The following VAMP7 variants were observed in gnomAD, a reference collection of about 807,000 sequenced individuals.
VAMP7 encodes vesicle associated membrane protein 7.
VAMP7 carries 14 observed loss-of-function variants against 29.6 expected under a neutral mutation model. The ratio of observed to expected loss-of-function variants is 0.47; its 90% CI spans 0.31 to 0.74. The LOEUF is 0.74. Ranked by LOEUF, VAMP7 falls within the 30% of genes least tolerant of loss-of-function variation. VAMP7 has a pLI of 0.05. For missense variants in VAMP7, 223 were observed against 262.4 expected, an observed-to-expected ratio of 0.85 and a Z score of 1.04; for synonymous variants, 95 against 88.1, an observed-to-expected ratio of 1.08 and a Z score of -0.44.
intron 5 of VAMP7, among the ~76,000 whole-genome samples, chrX:155,918,817 C>A (rs1348551554): frequency 1.3e-5 from 2 of 152,150 alleles, no homozygotes; most frequent in Non-Finnish European, 2.9e-5. Flanking sequence ...CAGATGCTTT[C>A]TCTGCATCTA....
intron 5 of VAMP7, among the ~76,000 whole-genome samples, chrX:155,904,589 T>G (rs1003761912): frequency 6.6e-6 from 1 of 152,032 alleles, no homozygotes; most frequent in African/African-American, 2.4e-5. Flanking sequence ...CATTTGCAGT[T>G]GCTCCTCAAC....
At chrX:155,902,773 G>C (rs1281081096) in intron 5 of VAMP7, among the ~76,000 whole-genome samples, 2 of 149,574 alleles carry the variant, frequency 1.3e-5, no homozygotes, top group Non-Finnish European at 3.0e-5. Flanking sequence ...CGGTTTGCCA[G>C]TATTTTATTG....
At chrX:155,907,763 TG>T (rs1350513560) in intron 5 of VAMP7, among the ~76,000 whole-genome samples, 2 of 152,178 alleles carry the variant, frequency 1.3e-5, no homozygotes, top group African/African-American at 4.8e-5. Flanking sequence ...ATTGTCATCA[TG>T]GCCCGTTCTC....
chrX:155,914,477 A>G (rs1023093293), intron 5 of VAMP7, among the ~76,000 whole-genome samples: 6 of 152,130 alleles, frequency 3.9e-5, no homozygotes, highest in South Asian at 2.1e-4. Flanking sequence ...TTGCCCATTC[A>G]GTATGATATT....
At chrX:155,928,643 C>T (rs888670930) in intron 6 of VAMP7, among the ~76,000 whole-genome samples, 80 of 152,316 alleles carry the variant, frequency 5.3e-4, no homozygotes, top group Non-Finnish European at 1.0e-3. Context: ...AGGATACTCT[C>T]TTCATCTCAA....
rs1410909053 is a variant in VAMP7, at chrX:155,943,518, A to G, written c.*1567A>G. The G allele has an allele frequency of 6.6e-6, 1 of 152,490 alleles. No homozygotes were observed. The highest frequency in any genetic ancestry group is 1.5e-5 in the Non-Finnish European group (1 of 68,018). 9.4% of individuals were successfully genotyped at this position (152,490 alleles called of 1,614,324 possible). A position where few individuals can be genotyped will look rare whatever the true frequency, so the allele number is the denominator to read the frequency against. On this transcript the variant is annotated 3_prime_UTR_variant, in exon 8 of 8. Transcript: ENST00000286448. ...TTGCATCAGTATTTCCTATTGGAAAATACATCTGTTCCAGAAAAACATTTG... is the reference window on the plus strand; with the variant it reads ...TTGCATCAGTATTTCCTATTGGAAAGTACATCTGTTCCAGAAAAACATTTG...
At chrX:155,913,512 T>C (rs977108455) in intron 5 of VAMP7, among the ~76,000 whole-genome samples, 9 of 152,054 alleles carry the variant, frequency 5.9e-5, no homozygotes, top group African/African-American at 1.9e-4. Flanking sequence ...TTAAGTCTTA[T>C]GTTTAAGTCT....
At chrX:155,893,691 T>G (rs976218567) in intron 2 of VAMP7, among the ~76,000 whole-genome samples, 2 of 152,146 alleles carry the variant, frequency 1.3e-5, no homozygotes, top group Non-Finnish European at 2.9e-5. Context: ...TTCCTCTTTT[T>G]TAAAGCCACT....
intron 5 of VAMP7, among the ~76,000 whole-genome samples, chrX:155,915,163 G>A (rs1181710960): frequency 6.6e-6 from 1 of 152,152 alleles, no homozygotes; most frequent in African/African-American, 2.4e-5. Context: ...GGTGTTTATA[G>A]TATTCTCTGA....
intron 5 of VAMP7, among the ~76,000 whole-genome samples, chrX:155,912,352 A>G (rs2066249171): frequency 6.6e-6 from 1 of 152,050 alleles, no homozygotes; most frequent in Non-Finnish European, 1.5e-5. Context: ...TTTCTATGTT[A>G]CACATTTGCT....
intron 5 of VAMP7, among the ~76,000 whole-genome samples, chrX:155,910,586 G>GT (rs57564977): frequency 0.021 from 2,792 of 133,814 alleles, 47 homozygotes; most frequent in African/African-American, 0.053. Flanking sequence ...GTGTGTAAGT[G>GT]TTTTTTTTTT....
chrX:155,927,765 G>GT (rs35465189), intron 6 of VAMP7, among the ~76,000 whole-genome samples: 21,619 of 141,084 alleles, frequency 0.15, 2,330 homozygotes, highest in East Asian at 0.44. Flanking sequence ...CACAATGGCA[G>GT]TTTTTTTTTT....
intron 5 of VAMP7, among the ~76,000 whole-genome samples, chrX:155,917,145 G>C (rs2066324765): frequency 6.6e-6 from 1 of 152,018 alleles, no homozygotes. Flanking sequence ...CACCTGATCA[G>C]TTCGGCTATT....
chrX:155,913,288 A>G (rs1056001986), intron 5 of VAMP7, among the ~76,000 whole-genome samples: 3 of 152,010 alleles, frequency 2.0e-5, no homozygotes. Context: ...TGTCAGATGG[A>G]TAGATTGCAA....
chrX:155,899,883 G>T (rs956210876), intron 4 of VAMP7, among the ~76,000 whole-genome samples: 1 of 151,984 alleles, frequency 6.6e-6, no homozygotes. Flanking sequence ...ATAATATCCC[G>T]TTTGAAGCAC....
At position 155,887,190 on chromosome X, in the gene VAMP7, C is replaced by T. The variant is rs6642363; in HGVS notation, c.-9-2268C>T. 2.1e-3 allele frequency among the ~76,000 whole-genome samples: 318 copies of T among 152,280 alleles called. 1 individual carries two copies. The highest frequency in any genetic ancestry group is 7.4e-3 in the African/African-American group (306 of 41,562). On this transcript the variant is annotated intron_variant, in intron 1 of 7. Coordinates refer to ENST00000286448, the MANE Select transcript of VAMP7 (RefSeq NM_005638.6). The stretch of plus-strand genomic sequence containing the variant: ...GTGAGTCTCTATTTATCTACCTTTC[C>T]CTCAACTGTTGGTTGTGCTTTGGGT...
chrX:155,939,431 A>G (rs2066710736), intron 6 of VAMP7, among the ~76,000 whole-genome samples: 2 of 152,192 alleles, frequency 1.3e-5, no homozygotes, highest in Non-Finnish European at 2.9e-5. Context: ...ACTAGCGGGA[A>G]GAACCACTTC....
chrX:155,889,731 T>G (rs1228577878), intron 2 of VAMP7, 119 bp downstream of exon 2: 1 of 1,188,070 alleles, frequency 8.4e-7, no homozygotes, highest in Non-Finnish European at 1.1e-6. Flanking sequence ...GCTGACAGAA[T>G]AGTAACCTTC....
At chrX:155,914,438 C>T (rs1354959586) in intron 5 of VAMP7, among the ~76,000 whole-genome samples, 1 of 152,100 alleles carries the variant, frequency 6.6e-6, no homozygotes, top group Non-Finnish European at 1.5e-5. Context: ...TTGTCTTGTG[C>T]TGGTTTTCAA....
Sources: allele counts gnomAD v4.1 joint callset (sites outside exome capture counted in the v4.1 genomes callset), GRCh38; gene constraint gnomAD v4.1.1; transcripts MANE v1.5; gene names NCBI Gene and HGNC (gene_info 2026-07-23, HGNC 2026-07-21).